The following SLC24A2 variants were observed in gnomAD, a reference collection of about 807,000 sequenced individuals.
The protein encoded by SLC24A2 is sodium/potassium/calcium exchanger 2.
Under a neutral mutation model 62.0 loss-of-function variants are expected in SLC24A2, and 36 were observed. The observed-to-expected ratio is 0.58, with a 90% CI of 0.44 to 0.77. The LOEUF is 0.77. Ranked by LOEUF, SLC24A2 falls within the 30% of genes least tolerant of loss-of-function variation. The pLI is 0.00. For synonymous variants in SLC24A2, 358 were observed against 294.0 expected (o/e 1.22, Z -2.23); for missense variants, 846 against 817.9 (o/e 1.03, Z -0.42).
chr9:20,276,919 A>G, the SLC24A2 span, among the ~76,000 whole-genome samples: 3 of 152,182 alleles, frequency 2.0e-5, no homozygotes, highest in African/African-American at 7.2e-5. Context: ...AAGACTGCAC[A>G]AAGCAGCAAG....
At chr9:20,193,470 G>A in the SLC24A2 span, among the ~76,000 whole-genome samples, 19,996 of 151,738 alleles carry the variant, frequency 0.13, 1,452 homozygotes, top group African/African-American at 0.2. Context: ...CCAGAATCTG[G>A]GAAGACTTTC....
chr9:19,563,816 TCC>T (rs1835526542), intron 7 of SLC24A2, among the ~76,000 whole-genome samples: 3 of 106,682 alleles, frequency 2.8e-5, no homozygotes, highest in Non-Finnish European at 5.6e-5. Context: ...CTTCCTTCCT[TCC>T]TTCCTTCCTC....
the SLC24A2 span, among the ~76,000 whole-genome samples, chr9:19,799,984 G>A: frequency 3.3e-5 from 5 of 152,218 alleles, no homozygotes; most frequent in South Asian, 4.1e-4. Flanking sequence ...TTCTAGCTTC[G>A]GCGGCTCTGA....
At chr9:19,711,344 A>G (rs191911172) in intron 2 of SLC24A2, among the ~76,000 whole-genome samples, 138 of 152,350 alleles carry the variant, frequency 9.1e-4, no homozygotes, top group African/African-American at 3.2e-3. Context: ...TATAGTAAAT[A>G]CAGAAAGATA....
chr9:19,516,526 G>T (rs968618908), intron 10 of SLC24A2, 124 bp from the exon 11 acceptor site: 2 of 1,217,188 alleles, frequency 1.6e-6, no homozygotes, highest in Admixed American at 2.1e-5. Flanking sequence ...AGGGTGTCTT[G>T]TTAGGTTCAC....
chr9:19,860,707 G>C, the SLC24A2 span, among the ~76,000 whole-genome samples: 3 of 152,104 alleles, frequency 2.0e-5, no homozygotes, highest in African/African-American at 7.2e-5. Context: ...CCAGAGGGGA[G>C]CACAGTCCCC....
intron 4 of SLC24A2, among the ~76,000 whole-genome samples, chr9:19,608,793 T>C (rs113239333): frequency 9.6e-5 from 14 of 145,986 alleles, no homozygotes; most frequent in East Asian, 8.0e-4. Flanking sequence ...CACACACACA[T>C]ACACACACAC....
At chr9:19,779,785 C>T (rs552944715) in intron 2 of SLC24A2, among the ~76,000 whole-genome samples, 71 of 152,280 alleles carry the variant, frequency 4.7e-4, no homozygotes, top group African/African-American at 1.7e-3. Flanking sequence ...GGTAGGCGGG[C>T]GCGGTGGCTC....
intron 2 of SLC24A2, among the ~76,000 whole-genome samples, chr9:19,738,162 A>C (rs942875530): frequency 5.9e-5 from 9 of 152,176 alleles, no homozygotes; most frequent in African/African-American, 1.9e-4. Flanking sequence ...AGGAGGATAA[A>C]TTTGTCAAGT....
chr9:20,256,805 T>C, the SLC24A2 span, among the ~76,000 whole-genome samples: 1,279 of 152,208 alleles, frequency 8.4e-3, 10 homozygotes, highest in African/African-American at 0.03. Flanking sequence ...AGCAAACTTG[T>C]AGTTCTTTTT....
chr9:19,903,938 C>A, the SLC24A2 span, among the ~76,000 whole-genome samples: 2 of 152,104 alleles, frequency 1.3e-5, no homozygotes, highest in Non-Finnish European at 2.9e-5. Flanking sequence ...AAAAGCCTCT[C>A]ATGCACAAAG....
intron 2 of SLC24A2, among the ~76,000 whole-genome samples, chr9:19,671,609 G>C (rs924976602): frequency 6.6e-6 from 1 of 152,166 alleles, no homozygotes; most frequent in Non-Finnish European, 1.5e-5. Context: ...GAAGTAGTTA[G>C]AGTGGGCATC....
intron 2 of SLC24A2, among the ~76,000 whole-genome samples, chr9:19,680,271 T>C (rs1306161252): frequency 2.0e-5 from 3 of 152,104 alleles, no homozygotes; most frequent in South Asian, 2.1e-4. Context: ...TGAAGGATGA[T>C]AGCAGTGGAG....
At chr9:19,891,499 C>G in the SLC24A2 span, among the ~76,000 whole-genome samples, 1 of 152,176 alleles carries the variant, frequency 6.6e-6, no homozygotes, top group Non-Finnish European at 1.5e-5. Context: ...GAAGCTTCCA[C>G]TTGTGGTAGA....
chr9:19,627,919 A>G (rs1818076435), intron 2 of SLC24A2, among the ~76,000 whole-genome samples: 8 of 152,226 alleles, frequency 5.3e-5, no homozygotes. Flanking sequence ...GATAACAAAT[A>G]GTAGTCTTAA....
Position 19,728,878 on chromosome 9 carries a change from G to A in SLC24A2, c.930+57059C>T, listed in dbSNP as rs1821252465. On this transcript the variant is annotated intron_variant, in intron 2 of 10. Coordinates refer to ENST00000341998, the MANE Select transcript of SLC24A2 (RefSeq NM_020344.4). The stretch of plus-strand genomic sequence containing the variant: ...ATTGAGGCTGAGACTAAAAAGCCAA[G>A]CAGCACACCAAAAGGAGAAAATTTA... Among the ~76,000 whole-genome samples the A allele has an allele frequency of 1.3e-5, 2 of 152,068 alleles. 1 individual carries two copies. Among genetic ancestry groups the A allele is most frequent in the South Asian group, 4.2e-4 (2 of 4,816 alleles).
At chr9:19,822,074 A>G in the SLC24A2 span, among the ~76,000 whole-genome samples, 1 of 152,162 alleles carries the variant, frequency 6.6e-6, no homozygotes, top group Non-Finnish European at 1.5e-5. Context: ...TACATTTTGA[A>G]ACTAAGAAAA....
At chr9:19,718,747 T>C (rs1013731929) in intron 2 of SLC24A2, among the ~76,000 whole-genome samples, 1 of 152,166 alleles carries the variant, frequency 6.6e-6, no homozygotes, top group African/African-American at 2.4e-5. Flanking sequence ...GTTCAAATGC[T>C]TATGTAAAGT....
chr9:20,077,636 C>G, the SLC24A2 span, among the ~76,000 whole-genome samples: 2 of 152,080 alleles, frequency 1.3e-5, no homozygotes, highest in African/African-American at 4.8e-5. Context: ...CCTCTAGGGT[C>G]TCATACTAAA....
Sources: gnomAD v4.1 joint callset for allele counts (sites outside exome capture counted in the v4.1 genomes callset) on GRCh38, gnomAD v4.1.1 for gene constraint, MANE v1.5 for transcripts, NCBI Gene and HGNC (gene_info 2026-07-23, HGNC 2026-07-21) for gene names.